The following DAB1 variants were observed in gnomAD, a reference collection of about 807,000 sequenced individuals.
DAB1 encodes disabled homolog 1.
DAB1 carries 15 observed loss-of-function variants against 64.6 expected under a neutral mutation model. That is an observed-to-expected ratio of 0.23 (90% CI 0.16 to 0.36). The LOEUF is 0.36. DAB1 is among the 10% of genes least tolerant of loss of function. The pLI, the probability that DAB1 is intolerant of heterozygous loss-of-function variation, is 1.00. For synonymous variants in DAB1, 235 were observed against 251.9 expected (o/e 0.93, Z 0.64); for missense variants, 596 against 706.7 (o/e 0.84, Z 1.78).
At chr1:58,354,278 C>T (rs977876399) in intron 3 of DAB1, among the ~76,000 whole-genome samples, 1 of 152,010 alleles carries the variant, frequency 6.6e-6, no homozygotes, top group Non-Finnish European at 1.5e-5. Context: ...CGAATTCAAG[C>T]GAGGAATGAC....
chr1:57,605,268 G>A (rs569993084), intron 7 of DAB1, among the ~76,000 whole-genome samples: 2 of 152,266 alleles, frequency 1.3e-5, no homozygotes, highest in African/African-American at 4.8e-5. Context: ...AGTCTGGAGG[G>A]CAGGAATTAT....
rs1189039138 is a variant in DAB1, at chr1:57,568,670, G to T, written n.625+80922C>A. ...ACTTTTATGCAGCCAACAGACACATGAAAAAAATGCTCATCATCACTGGCC... is the reference window on the plus strand; with the variant it reads ...ACTTTTATGCAGCCAACAGACACATTAAAAAAATGCTCATCATCACTGGCC... On this transcript the variant is annotated intron_variant and non_coding_transcript_variant, in intron 7 of 20. Coordinates refer to the DAB1 transcript ENST00000485760. Among the ~76,000 whole-genome samples the T allele has an allele frequency of 2.0e-5, 3 of 152,002 alleles. No individual in the cohort carries two copies. In the South Asian group the frequency reaches 6.2e-4, roughly 31 times the overall value.
chr1:58,339,537 T>C (rs1396154577), intron 4 of DAB1, among the ~76,000 whole-genome samples: 2 of 152,074 alleles, frequency 1.3e-5, no homozygotes, highest in African/African-American at 2.4e-5. Flanking sequence ...TATAGAGAAA[T>C]TATCTAGACA....
intron 6 of DAB1, among the ~76,000 whole-genome samples, chr1:57,762,506 G>GA (rs1649132375): frequency 6.6e-6 from 1 of 152,032 alleles, no homozygotes; most frequent in Non-Finnish European, 1.5e-5. Context: ...GGAGCATTAA[G>GA]AAAAATATCT....
At chr1:57,475,800 G>A (rs1321036783) in intron 7 of DAB1, among the ~76,000 whole-genome samples, 3 of 152,344 alleles carry the variant, frequency 2.0e-5, no homozygotes, top group African/African-American at 7.2e-5. Context: ...TGAGCTCCTT[G>A]AGTGGGGGAA....
intron 1 of DAB1, among the ~76,000 whole-genome samples, chr1:58,541,961 A>C (rs1646629973): frequency 6.6e-6 from 1 of 152,218 alleles, no homozygotes; most frequent in Non-Finnish European, 1.5e-5. Context: ...GGGGAAAAAA[A>C]TATGTAAACT....
chr1:58,530,116 C>G (rs1203533298), intron 1 of DAB1, among the ~76,000 whole-genome samples: 1 of 152,150 alleles, frequency 6.6e-6, no homozygotes, highest in South Asian at 2.1e-4. Context: ...CTCCTGACTT[C>G]GTGATCCACC....
Position 58,289,823 on chromosome 1 carries a change from T to C in DAB1, n.309+53529A>G, listed in dbSNP as rs559744814. On this transcript the variant is annotated intron_variant and non_coding_transcript_variant, in intron 4 of 20. Coordinates refer to the DAB1 transcript ENST00000485760. ...TGGAGAGAATCTATGCTAAAAGCAA[T>C]GACAAATCACATTGATATAAATCCA... Among the ~76,000 whole-genome samples the C allele has an allele frequency of 3.2e-3, 480 of 152,314 alleles. 1 individual carries two copies. The highest frequency in any genetic ancestry group is 5.7e-3 in the Non-Finnish European group (388 of 68,012).
intron 2 of DAB1, among the ~76,000 whole-genome samples, chr1:57,206,968 C>CTTTTTTTTTTTTTTTTTT (rs201111039): frequency 4.7e-5 from 4 of 84,474 alleles, no homozygotes; most frequent in African/African-American, 9.8e-5. Context: ...TCCTTCCTTC[C>CTTTTTTTTTTTTTTTTTT]TTTTTTTTTT....
At chr1:57,489,603 T>C (rs1046626003) in intron 7 of DAB1, among the ~76,000 whole-genome samples, 12 of 152,244 alleles carry the variant, frequency 7.9e-5, no homozygotes, top group African/African-American at 2.9e-4. Flanking sequence ...CCAGCCCTTA[T>C]GTCTAACTGA....
intron 4 of DAB1, among the ~76,000 whole-genome samples, chr1:58,187,730 C>T (rs1220615155): frequency 1.4e-5 from 2 of 142,652 alleles, no homozygotes; most frequent in Admixed American, 1.4e-4. Flanking sequence ...CAGGTGTGCA[C>T]CACCACACCA....
intron 1 of DAB1, among the ~76,000 whole-genome samples, chr1:57,400,110 A>C (rs1396234322): frequency 6.6e-6 from 1 of 152,170 alleles, no homozygotes; most frequent in Non-Finnish European, 1.5e-5. Context: ...TTGTAATATC[A>C]CTACTACTTG....
intron 6 of DAB1, among the ~76,000 whole-genome samples, chr1:57,804,351 C>T (rs532981956): frequency 6.6e-6 from 1 of 152,204 alleles, no homozygotes; most frequent in South Asian, 2.1e-4. Flanking sequence ...TTCTGGGAAC[C>T]ACAAGGGGTG....
At chr1:57,095,530 A>G (rs888434787) in intron 4 of DAB1, among the ~76,000 whole-genome samples, 3 of 152,202 alleles carry the variant, frequency 2.0e-5, no homozygotes, top group African/African-American at 7.2e-5. Flanking sequence ...AGAAAAGTCA[A>G]CTTTCCAAGT....
chr1:57,975,303 A>C (rs1259880401), intron 5 of DAB1, among the ~76,000 whole-genome samples: 1 of 152,232 alleles, frequency 6.6e-6, no homozygotes, highest in Non-Finnish European at 1.5e-5. Flanking sequence ...ATATTACAGT[A>C]GCCTGAACTC....
At chr1:57,536,387 T>C (rs555123110) in intron 7 of DAB1, among the ~76,000 whole-genome samples, 18 of 152,328 alleles carry the variant, frequency 1.2e-4, no homozygotes, top group Non-Finnish European at 1.9e-4. Context: ...TTAAAATGTG[T>C]CTGATGCACC....
At chr1:57,313,363 C>T (rs1674900083) in intron 1 of DAB1, among the ~76,000 whole-genome samples, 1 of 152,128 alleles carries the variant, frequency 6.6e-6, no homozygotes, top group African/African-American at 2.4e-5. Flanking sequence ...CCTTTCTTTA[C>T]AAAATGTGTT....
At chr1:58,016,097 C>A (rs747449837) in intron 5 of DAB1, among the ~76,000 whole-genome samples, 1 of 152,102 alleles carries the variant, frequency 6.6e-6, no homozygotes, top group Non-Finnish European at 1.5e-5. Flanking sequence ...AATAACTAAC[C>A]TGGCCTCTGA....
chr1:58,449,032 A>C (rs1281939600), intron 3 of DAB1, among the ~76,000 whole-genome samples: 1 of 152,248 alleles, frequency 6.6e-6, no homozygotes, highest in Non-Finnish European at 1.5e-5. Context: ...TTCATAGGAA[A>C]GGGATGGTGA....
Sources: gnomAD v4.1 joint callset for allele counts (sites outside exome capture counted in the v4.1 genomes callset) on GRCh38, gnomAD v4.1.1 for gene constraint, MANE v1.5 for transcripts, NCBI Gene and HGNC (gene_info 2026-07-23, HGNC 2026-07-21) for gene names.